PODNL1: variants seen among roughly 807,000 people sequenced by gnomAD.
The protein encoded by PODNL1 is podocan like 1.
A neutral mutation model predicts 45.1 loss-of-function variants in PODNL1; 50 were observed. The ratio of observed to expected loss-of-function variants is 1.11; its 90% confidence interval spans 0.88 to 1.40. The LOEUF (loss-of-function observed/expected upper bound fraction) is 1.40, where lower values mean the gene tolerates loss of function less well. PODNL1 is among the 40% of genes most tolerant of loss of function. The pLI, the probability that PODNL1 is intolerant of heterozygous loss-of-function variation, is 0.00. For missense variants in PODNL1, 788 were observed against 793.3 expected (o/e 0.99, Z 0.08); for synonymous variants, 406 against 372.5 (o/e 1.09, Z -1.04).
chr19:13,952,557 C>G, intron 1 of PODNL1: 2 of 1,261,382 alleles, frequency 1.6e-6, no homozygotes, highest in Non-Finnish European at 2.0e-6. Flanking sequence ...GGGCTGGGAG[C>G]GGCGGCGGCG....
intron 8 of PODNL1, chr19:13,932,491 A>G (rs1972017504): frequency 1.5e-6 from 1 of 651,928 alleles, no homozygotes; most frequent in African/African-American, 1.8e-5. Context: ...CCTCCTGAAT[A>G]GCTGGGACTA....
chr19:13,943,751 C>G (rs930150886), intron 1 of PODNL1, among the ~76,000 whole-genome samples: 1 of 152,022 alleles, frequency 6.6e-6, no homozygotes, highest in Non-Finnish European at 1.5e-5. Context: ...CGTGAGCCAC[C>G]GCGCCCAGCC....
rs767618376 is a variant in PODNL1, at chr19:13,934,498, A to AGTGTGTGTGT, written c.495-98_495-89dup. On this transcript the variant is annotated intron_variant, in intron 5 of 9. Transcript: ENST00000588872. ...CCACACCCTGCTCAGGGTCGCCTTC[A>AGTGTGTGTGT]GTGTGTGTGTGTGTGTGTGTGTGTG... is the stretch of plus-strand genomic sequence containing the variant. 3.8e-5 allele frequency: 37 copies of AGTGTGTGTGT among 980,262 alleles called. No individual in the cohort carries two copies. The African/African-American group carries it at 3.8e-4, about 10-fold the overall frequency. The allele number at this position is 980,262 out of a possible 1,614,324, so 60.7% of individuals were successfully genotyped here. A position where few individuals can be genotyped will look rare whatever the true frequency, so the allele number is the denominator to read the frequency against.
chr19:13,937,659 T>C, intron 2 of PODNL1, 126 bp downstream of exon 2: 1 of 872,034 alleles, frequency 1.1e-6, no homozygotes, highest in Non-Finnish European at 1.8e-6. Context: ...CAGCCTGCTC[T>C]GCACCGCCCT....
At chr19:13,953,166 T>C in exon 1 of PODNL1, 1 of 1,532,674 alleles carries the variant, frequency 6.5e-7, no homozygotes, top group African/African-American at 1.4e-5. Flanking sequence ...TGGATAGGGC[T>C]GAGTCTTCCC....
chr19:13,942,623 A>G (rs1021048632), upstream of PODNL1, among the ~76,000 whole-genome samples: 1 of 152,296 alleles, frequency 6.6e-6, no homozygotes, highest in South Asian at 2.1e-4. Context: ...ATGGTCCATC[A>G]ATGTGGCCCC....
intron 1 of PODNL1, among the ~76,000 whole-genome samples, chr19:13,944,721 A>G (rs1017247158): frequency 4.7e-5 from 7 of 150,506 alleles, no homozygotes; most frequent in Non-Finnish European, 1.0e-4. Context: ...CTTCCAAAGT[A>G]CTGGATTACA....
upstream of PODNL1, among the ~76,000 whole-genome samples, chr19:13,941,908 G>A (rs190761679): frequency 6.6e-6 from 1 of 152,288 alleles, no homozygotes; most frequent in East Asian, 1.9e-4. Flanking sequence ...CTCTTCATGG[G>A]GTGAGACAGG....
rs944510584 is a variant in PODNL1, at chr19:13,931,290, C to T, written c.*447G>A. ...TTTTCAGTGGGTGGCCTTGGGCGTC[C>T]CTGCAATCACACGTGGCTAGGTCGC... On this transcript the variant is annotated 3_prime_UTR_variant, in exon 10 of 10. Coordinates refer to ENST00000588872, the MANE Select transcript of PODNL1 (RefSeq NM_001370095.3). 1.9e-5 allele frequency: 3 copies of T among 161,108 alleles called. No individual in the cohort carries two copies. Among genetic ancestry groups the T allele is most frequent in the African/African-American group, 7.2e-5 (3 of 41,760 alleles). 10.0% of individuals were successfully genotyped at this position (161,108 alleles called of 1,614,324 possible). A position where few individuals can be genotyped will look rare whatever the true frequency, so the allele number is the denominator to read the frequency against.
chr19:13,943,835 A>T (rs986001770), intron 1 of PODNL1, among the ~76,000 whole-genome samples: 1 of 151,994 alleles, frequency 6.6e-6, no homozygotes, highest in Non-Finnish European at 1.5e-5. Context: ...GGATAATCTC[A>T]TCTCAAGATC....
At chr19:13,942,649 G>A (rs1167421015), upstream of PODNL1, among the ~76,000 whole-genome samples, 1 of 152,136 alleles carries the variant, frequency 6.6e-6, no homozygotes, top group African/African-American at 2.4e-5. Context: ...CCAGCATGGA[G>A]CCTGGTATAA....
At chr19:13,936,303 A>G in intron 3 of PODNL1, 64 bp downstream of exon 3, 4 of 1,425,366 alleles carry the variant, frequency 2.8e-6, no homozygotes, top group African/African-American at 1.4e-5. Context: ...GGGGAGGGGG[A>G]TGGCAGCTGA....
upstream of PODNL1, among the ~76,000 whole-genome samples, chr19:13,939,728 T>C (rs1972586617): frequency 6.6e-6 from 1 of 151,366 alleles, no homozygotes; most frequent in Admixed American, 6.6e-5. Flanking sequence ...CTACTAAAAA[T>C]ACAAAAATTA....
chr19:13,936,524 AT>A lies in PODNL1; in HGVS notation c.226-65del, dbSNP rs1972364818. The A allele has an allele frequency of 4.4e-6, 6 of 1,374,868 alleles. No homozygotes were observed. In the East Asian group the frequency reaches 1.1e-4, roughly 26 times the overall value. 85.2% of individuals were successfully genotyped at this position (1,374,868 alleles called of 1,614,324 possible). A position where few individuals can be genotyped will look rare whatever the true frequency, so the allele number is the denominator to read the frequency against. On this transcript the variant is annotated intron_variant, in intron 2 of 9. Coordinates refer to ENST00000588872, the MANE Select transcript of PODNL1 (RefSeq NM_001370095.3). Reference sequence around the variant, plus strand: ...CGTGACCAAGTGACCCCAAGCACTGATTCTCAACTTCCCATCAGCCCAAACC... The same window carrying A: ...CGTGACCAAGTGACCCCAAGCACTGATCTCAACTTCCCATCAGCCCAAACC...
At position 13,933,439 on chromosome 19, in the gene PODNL1, CA is replaced by C; in HGVS notation, c.783del (p.Glu262AsnfsTer10). The C allele has an allele frequency of 6.4e-7, 1 of 1,574,248 alleles. No homozygotes were observed. On this transcript the variant is annotated frameshift_variant, in exon 8 of 10. Coordinates refer to ENST00000588872, the MANE Select transcript of PODNL1 (RefSeq NM_001370095.3). LOFTEE classifies it high-confidence loss of function. This position sits in a 1 kb window ranked among gnomAD's most constrained non-coding sequence, Gnocchi z 5.2. ...DATTFSKLHS[L>X]EYLDLSHNQL... ...TGGTTGTGGGAGAGATCCAGGTATT[CA>C]AGGCTATGCAGCTTGCTGGAAGGAG... is the stretch of plus-strand genomic sequence containing the variant.
chr19:13,937,829 ACACTCGAAGGTC>A lies in PODNL1; in HGVS notation c.169_180del (p.Asp57_Val60del). ...GCGGCTCTGGTGATGTTGTCCGGGA[ACACTCGAAGGTC>A]CAAGCCATCACAGTCCACAGTGTCG... On this transcript the variant is annotated inframe_deletion, in exon 2 of 10. Coordinates refer to ENST00000588872, the MANE Select transcript of PODNL1 (RefSeq NM_001370095.3). The A allele has an allele frequency of 6.3e-7, 1 of 1,596,362 alleles. No individual in the cohort carries two copies. Among genetic ancestry groups the A allele is most frequent in the Non-Finnish European group, 8.5e-7 (1 of 1,173,050 alleles).
At position 13,936,421 on chromosome 19, in the gene PODNL1, G is replaced by A. The variant is rs201309462; in HGVS notation, c.265C>T (p.Arg89Cys). Residue 89 changes from arginine (R) to cysteine (C), a missense_variant, in exon 3 of 10, where the codon CGC becomes TGC. Transcript: ENST00000588872. ...TTGAGGGTTCGCAGGCCACTGAGGC[G>A]GGACAGCTCATTGTAGGGGAGTTCC... is the stretch of plus-strand genomic sequence containing the variant. The part of the protein sequence containing the change: ...LQELPYNELS[R>C]LSGLRTLNLH... 628 of 1,613,406 alleles carry A rather than the reference G, an allele frequency of 3.9e-4. No individual in the cohort carries two copies. Among genetic ancestry groups the A allele is most frequent in the Non-Finnish European group, 4.6e-4 (547 of 1,179,668 alleles).
At chr19:13,932,197 C>T in intron 8 of PODNL1, 85 bp from the exon 9 acceptor site, 2 of 1,236,504 alleles carry the variant, frequency 1.6e-6, no homozygotes, top group Non-Finnish European at 2.0e-6. Flanking sequence ...TCTGAGAGTC[C>T]CCTGCCCCCT....
At position 13,934,357 on chromosome 19, in the gene PODNL1, G is replaced by C; in HGVS notation, c.548C>G (p.Ala183Gly). ...QLSNAGLPPD[A>G]FRGSEAIATL... The stretch of plus-strand genomic sequence containing the variant: ...GGCGATGGCCTCGGAGCCGCGGAAG[G>C]CGTCGGGGGGCAGGCCAGCGTTGCT... The change falls in exon 6 of 10, where the codon GCC (alanine) becomes GGC (glycine). Residue 183 changes from alanine (A) to glycine (G), a missense_variant. Transcript: ENST00000588872. The C allele has an allele frequency of 1.3e-6, 2 of 1,555,384 alleles. No individual in the cohort carries two copies. The highest frequency in any genetic ancestry group is 1.7e-6 in the Non-Finnish European group (2 of 1,153,096).
Sources: gnomAD v4.1 joint callset for allele counts (sites outside exome capture counted in the v4.1 genomes callset) on GRCh38, gnomAD v4.1.1 for gene constraint, Gnocchi (gnomAD v3.1) non-coding constraint, MANE v1.5 for transcripts, NCBI Gene and HGNC (gene_info 2026-07-23, HGNC 2026-07-21) for gene names.